The following ATP8A2 variants were observed in gnomAD, a reference collection of about 807,000 sequenced individuals.
ATP8A2 encodes the protein ATPase phospholipid transporting 8A2, also known as phospholipid-transporting ATPase IB.
A neutral mutation model predicts 165.6 loss-of-function variants in ATP8A2; 100 were observed. The observed-to-expected ratio is 0.60, with a 90% CI of 0.51 to 0.71. The LOEUF is 0.71. Among genes scored for constraint, ATP8A2 ranks in the 30% least tolerant of loss-of-function variants. The pLI is 0.00. For synonymous variants in ATP8A2, 543 were observed against 548.8 expected (o/e 0.99, Z 0.15); for missense variants, 1,227 against 1,479.5 (o/e 0.83, Z 2.80).
At chr13:25,711,640 G>T (rs963481725) in intron 25 of ATP8A2, among the ~76,000 whole-genome samples, 2 of 152,120 alleles carry the variant, frequency 1.3e-5, no homozygotes, top group African/African-American at 4.8e-5. Context: ...CAAGGTAGAG[G>T]CCCGTGTAAT....
chr13:25,458,739 G>A (rs675945), intron 1 of ATP8A2, among the ~76,000 whole-genome samples: 60,021 of 152,126 alleles, frequency 0.39, 12,298 homozygotes, highest in East Asian at 0.6. Flanking sequence ...GAGATGAGGT[G>A]TGTGGGATAA....
chr13:25,790,872 C>A (rs2045152642), intron 27 of ATP8A2, among the ~76,000 whole-genome samples: 1 of 151,850 alleles, frequency 6.6e-6, no homozygotes, highest in East Asian at 1.9e-4. Flanking sequence ...ATTAAAAAGT[C>A]AAAAAATAAC....
At chr13:25,996,747 A>T (rs1248737926) in intron 35 of ATP8A2, among the ~76,000 whole-genome samples, 3 of 152,136 alleles carry the variant, frequency 2.0e-5, no homozygotes, top group African/African-American at 7.2e-5. Flanking sequence ...GCAGTGGCAC[A>T]ATCTCAGCTC....
At position 25,953,043 on chromosome 13, in the gene ATP8A2, A is replaced by G. The variant is rs908481871; in HGVS notation, c.3184-8532A>G. 1.3e-5 allele frequency among the ~76,000 whole-genome samples: 2 copies of G among 152,184 alleles called. No individual in the cohort carries two copies. Among genetic ancestry groups the G allele is most frequent in the African/African-American group, 4.8e-5 (2 of 41,458 alleles). On this transcript the variant is annotated intron_variant, in intron 33 of 36. Coordinates refer to ENST00000381655, the MANE Select transcript of ATP8A2 (RefSeq NM_016529.6). The surrounding 1 kb of genome is among the most constrained non-coding windows in gnomAD (Gnocchi z 6.7). ...ACACTGAGGGGCAAGGAGGGCTGAGAAGAGAAGGTGGCAATGGCAACTGCA... is the reference window on the plus strand; with the variant it reads ...ACACTGAGGGGCAAGGAGGGCTGAGGAGAGAAGGTGGCAATGGCAACTGCA...
chr13:25,566,109 T>C (rs938371501), intron 16 of ATP8A2, among the ~76,000 whole-genome samples: 1 of 152,164 alleles, frequency 6.6e-6, no homozygotes, highest in Admixed American at 6.5e-5. Context: ...CTATTGAAGT[T>C]AGTGCCCATT....
chr13:25,741,296 A>C (rs1332038537), intron 25 of ATP8A2, among the ~76,000 whole-genome samples: 3 of 152,202 alleles, frequency 2.0e-5, no homozygotes, highest in Non-Finnish European at 4.4e-5. Flanking sequence ...CTCCCTGGAT[A>C]GTAATTAGCT....
intron 33 of ATP8A2, among the ~76,000 whole-genome samples, chr13:25,918,828 C>T (rs934314413): frequency 6.6e-6 from 1 of 152,144 alleles, no homozygotes; most frequent in Non-Finnish European, 1.5e-5. Context: ...TAGAGGACTG[C>T]TGTATTGGTT....
intron 28 of ATP8A2, among the ~76,000 whole-genome samples, chr13:25,830,828 A>T (rs1593415263): frequency 1.3e-5 from 2 of 152,304 alleles, no homozygotes; most frequent in South Asian, 2.1e-4. Context: ...TACAAACATC[A>T]TGTCGCTTTC....
At chr13:25,690,606 AAATT>A (rs1208626064) in intron 24 of ATP8A2, among the ~76,000 whole-genome samples, 1 of 152,190 alleles carries the variant, frequency 6.6e-6, no homozygotes, top group Non-Finnish European at 1.5e-5. Context: ...TGGGAAATGC[AAATT>A]AAAATTACTA....
intron 30 of ATP8A2, among the ~76,000 whole-genome samples, chr13:25,851,476 G>A (rs9511949): frequency 0.13 from 20,176 of 151,840 alleles, 1,592 homozygotes; most frequent in Non-Finnish European, 0.18. Context: ...CCAGCTACCC[G>A]GGAGGCTGAG....
At chr13:25,764,250 C>T (rs1237086749) in intron 25 of ATP8A2, among the ~76,000 whole-genome samples, 1 of 152,148 alleles carries the variant, frequency 6.6e-6, no homozygotes, top group Non-Finnish European at 1.5e-5. Flanking sequence ...GCCCCTACCA[C>T]CTTCTTATTT....
chr13:25,582,662 C>T (rs997306555), intron 23 of ATP8A2, among the ~76,000 whole-genome samples: 6 of 152,196 alleles, frequency 3.9e-5, no homozygotes, highest in African/African-American at 1.4e-4. Context: ...ATTTCTATAT[C>T]TGTTTCTATG....
chr13:25,933,116 C>A (rs1197924683), intron 33 of ATP8A2, among the ~76,000 whole-genome samples: 1 of 152,172 alleles, frequency 6.6e-6, no homozygotes, highest in Non-Finnish European at 1.5e-5. Flanking sequence ...CCAAAGTAAT[C>A]CCCAAAGGGA....
At chr13:25,659,474 A>G (rs921406851) in intron 24 of ATP8A2, among the ~76,000 whole-genome samples, 2 of 152,156 alleles carry the variant, frequency 1.3e-5, no homozygotes, top group African/African-American at 4.8e-5. Context: ...TCCAGTATTA[A>G]CCTTAGACCA....
chr13:25,549,631 T>C (rs1593512054), intron 10 of ATP8A2, among the ~76,000 whole-genome samples: 1 of 152,204 alleles, frequency 6.6e-6, no homozygotes, highest in Non-Finnish European at 1.5e-5. Flanking sequence ...CTCTCTTCAG[T>C]GTCTCCTTCC....
intron 33 of ATP8A2, among the ~76,000 whole-genome samples, chr13:25,940,388 A>G (rs982803398): frequency 2.6e-5 from 4 of 151,996 alleles, no homozygotes. Context: ...TCCTCACCCC[A>G]GGGCCTCCCT....
In ATP8A2 at chr13:25,934,021, A is replaced by C. The variant is rs763509123; in HGVS notation, c.3184-27554A>C. Among the ~76,000 whole-genome samples, 113 of 152,336 alleles carry C rather than the reference A, an allele frequency of 7.4e-4. 1 individual carries two copies. Among genetic ancestry groups the C allele is most frequent in the Non-Finnish European group, 1.2e-3 (83 of 68,022 alleles). ...CTAGAATGTATGCTTGTAGCTAACCAGCTCCAAATAAACTCATATGCAAAG... is the reference window on the plus strand; with the variant it reads ...CTAGAATGTATGCTTGTAGCTAACCCGCTCCAAATAAACTCATATGCAAAG... On this transcript the variant is annotated intron_variant, in intron 33 of 36. Transcript: ENST00000381655.
At chr13:25,858,456 T>G (rs1952236095) in intron 30 of ATP8A2, among the ~76,000 whole-genome samples, 1 of 152,186 alleles carries the variant, frequency 6.6e-6, no homozygotes, top group Non-Finnish European at 1.5e-5. Flanking sequence ...GGCCTCCGTT[T>G]AGTGCAGCCC....
chr13:25,587,090 G>T (rs1487728295), intron 23 of ATP8A2, among the ~76,000 whole-genome samples: 1 of 152,124 alleles, frequency 6.6e-6, no homozygotes, highest in African/African-American at 2.4e-5. Context: ...TAAAGAAGTA[G>T]ACCTCAATTT....
Sources: allele counts gnomAD v4.1 joint callset (sites outside exome capture counted in the v4.1 genomes callset), GRCh38; gene constraint gnomAD v4.1.1; non-coding constraint Gnocchi (gnomAD v3.1); transcripts MANE v1.5; gene names NCBI Gene and HGNC (gene_info 2026-07-23, HGNC 2026-07-21).